The following ARHGAP32 variants were observed in gnomAD, a reference collection of about 807,000 sequenced individuals.
The protein encoded by ARHGAP32 is Rho GTPase activating protein 32.
Under a neutral mutation model 186.5 loss-of-function variants are expected in ARHGAP32, and 51 were observed. That is an observed-to-expected ratio of 0.27 (90% CI 0.22 to 0.35). The LOEUF is 0.35. ARHGAP32 is among the 10% of genes least tolerant of loss of function. ARHGAP32 has a pLI of 1.00. For synonymous variants in ARHGAP32, 950 were observed against 964.3 expected, an observed-to-expected ratio of 0.99 and a Z score of 0.27; for missense variants, 2,186 against 2,623.5, an observed-to-expected ratio of 0.83 and a Z score of 3.64.
chr11:129,219,539 T>C (rs1944687126), intron 1 of ARHGAP32, among the ~76,000 whole-genome samples: 2 of 152,038 alleles, frequency 1.3e-5, no homozygotes, highest in Non-Finnish European at 2.9e-5. Flanking sequence ...CACACAAGAG[T>C]AGAGAACTAA....
At chr11:129,019,102 A>G (rs1378486976) in intron 11 of ARHGAP32, among the ~76,000 whole-genome samples, 1 of 152,206 alleles carries the variant, frequency 6.6e-6, no homozygotes, top group Non-Finnish European at 1.5e-5. Flanking sequence ...TGGAATAAGG[A>G]CATGCTGAAG....
In ARHGAP32 at chr11:129,206,493, G is replaced by A. The variant is rs541753972; in HGVS notation, c.-4-42066C>T. 2.6e-5 allele frequency among the ~76,000 whole-genome samples: 4 copies of A among 152,242 alleles called. No individual in the cohort carries two copies. The South Asian group carries it at 8.3e-4, about 32-fold the overall frequency. ...CTCCTAATCTGCTAGGATTACAGAC[G>A]AGGGCTGCCACACCCAGCCATTGAT... On this transcript the variant is annotated intron_variant, in intron 1 of 6. Transcript: ENST00000525234.
intron 1 of ARHGAP32, among the ~76,000 whole-genome samples, chr11:129,215,901 A>G (rs1181046919): frequency 1.3e-5 from 2 of 152,206 alleles, no homozygotes; most frequent in African/African-American, 4.8e-5. Context: ...GAATTTTGAG[A>G]TGAGAAGATA....
At chr11:129,021,660 G>A (rs1171012327) in intron 11 of ARHGAP32, among the ~76,000 whole-genome samples, 1 of 151,964 alleles carries the variant, frequency 6.6e-6, no homozygotes. Flanking sequence ...GTTATTTTAG[G>A]TTGATATAAA....
chr11:128,973,102 A>C lies in ARHGAP32; in HGVS notation c.3404T>G (p.Leu1135Arg). 1 of 1,614,160 alleles carries C rather than the reference A, an allele frequency of 6.2e-7. No individual in the cohort carries two copies. The highest frequency in any genetic ancestry group is 8.5e-7 in the Non-Finnish European group (1 of 1,180,028). ...NNAPGNCDHP[L>R]PETTATGDPT... ...ATCCCCAGTAGCTGTTGTCTCTGGT[A>C]GAGGATGGTCACAGTTTCCTGGTGC... The change falls in exon 22 of 23, where the codon CTA becomes CGA. Residue 1135 changes from leucine (L) to arginine (R), a missense_variant. Physicochemically the swap from Leu to Arg is moderately radical, Grantham distance 102. Around this residue, in one of 5 missense-constraint regions of ARHGAP32, gnomAD observed 1,502 missense variants for 1,570.0 expected, o/e 0.96. Transcript: ENST00000682385.
Position 129,145,382 on chromosome 11 carries a change from G to A in ARHGAP32, c.225+18937C>T, listed in dbSNP as rs187931692. Among the ~76,000 whole-genome samples, 425 of 115,696 alleles carry A rather than the reference G, an allele frequency of 3.7e-3. 1 individual carries two copies. The highest frequency in any genetic ancestry group is 6.2e-3 in the South Asian group (23 of 3,716). 75.9% of individuals were successfully genotyped at this position (115,696 alleles called of 152,430 possible). On this transcript the variant is annotated intron_variant, in intron 2 of 22. Coordinates refer to ENST00000682385, the MANE Select transcript of ARHGAP32 (RefSeq NM_001378024.1). ...GAGTATGAATAGAAGAAGGGTAGAAGAAAAGAAAGACCACAAACTAGATGT... is the reference window on the plus strand; with the variant it reads ...GAGTATGAATAGAAGAAGGGTAGAAAAAAAGAAAGACCACAAACTAGATGT...
intron 2 of ARHGAP32, among the ~76,000 whole-genome samples, chr11:129,130,745 G>A (rs1942791063): frequency 6.6e-6 from 1 of 152,180 alleles, no homozygotes; most frequent in South Asian, 2.1e-4. Context: ...GGTGGTTAGA[G>A]TATACAACAG....
intron 6 of ARHGAP32, among the ~76,000 whole-genome samples, chr11:129,084,943 C>T (rs760038954): frequency 5.9e-5 from 9 of 152,068 alleles, no homozygotes; most frequent in Non-Finnish European, 1.0e-4. Context: ...TATAGCAAGG[C>T]TGCAGAATAT....
intron 10 of ARHGAP32, among the ~76,000 whole-genome samples, chr11:129,041,711 G>A (rs1939599899): frequency 6.6e-6 from 1 of 152,160 alleles, no homozygotes; most frequent in Non-Finnish European, 1.5e-5. Flanking sequence ...TTTTGGCATT[G>A]TAACAAGCCG....
chr11:129,055,302 G>T (rs1389743159), intron 10 of ARHGAP32, among the ~76,000 whole-genome samples: 1 of 152,144 alleles, frequency 6.6e-6, no homozygotes, highest in East Asian at 1.9e-4. Context: ...GTGAGGATGT[G>T]GAACAGCAGA....
intron 1 of ARHGAP32, among the ~76,000 whole-genome samples, chr11:129,242,369 A>G (rs562993992): frequency 6.6e-6 from 1 of 152,292 alleles, no homozygotes; most frequent in South Asian, 2.1e-4. Flanking sequence ...TATGCAATAA[A>G]ATATACTGTT....
At chr11:129,212,077 C>A (rs1944588339) in intron 1 of ARHGAP32, among the ~76,000 whole-genome samples, 1 of 152,060 alleles carries the variant, frequency 6.6e-6, no homozygotes, top group South Asian at 2.1e-4. Context: ...ATTGCTTGTG[C>A]CTGGAAGGTC....
At chr11:129,000,165 C>T (rs949237832) in intron 11 of ARHGAP32, among the ~76,000 whole-genome samples, 11 of 152,004 alleles carry the variant, frequency 7.2e-5, no homozygotes, top group East Asian at 3.9e-4. Flanking sequence ...CATTAACATT[C>T]GTCTATAATA....
chr11:129,091,624 T>C (rs1941580062), intron 6 of ARHGAP32, among the ~76,000 whole-genome samples: 1 of 152,030 alleles, frequency 6.6e-6, no homozygotes, highest in African/African-American at 2.4e-5. Context: ...AGATATAAAA[T>C]TTGTAAATAA....
At chr11:129,080,141 C>A (rs1941178911) in intron 6 of ARHGAP32, among the ~76,000 whole-genome samples, 1 of 152,038 alleles carries the variant, frequency 6.6e-6, no homozygotes, top group Non-Finnish European at 1.5e-5. Context: ...CAGATGGCAA[C>A]ACAGTAATAG....
Position 129,155,729 on chromosome 11 carries a change from A to C in ARHGAP32, c.225+8590T>G, listed in dbSNP as rs560314392. Among the ~76,000 whole-genome samples, 89 of 152,170 alleles carry C rather than the reference A, an allele frequency of 5.8e-4. 1 individual carries two copies. The highest frequency in any genetic ancestry group is 1.2e-3 in the South Asian group (6 of 4,810). On this transcript the variant is annotated intron_variant, in intron 2 of 22. Coordinates refer to ENST00000682385, the MANE Select transcript of ARHGAP32 (RefSeq NM_001378024.1). ...AAAAAAAACAAATTGGTTTAAATCT[A>C]CTGGTGAGAATAGTTGCTTAAAGAG...
intron 11 of ARHGAP32, among the ~76,000 whole-genome samples, chr11:129,036,421 G>C (rs1591552745): frequency 7.1e-6 from 1 of 141,538 alleles, no homozygotes; most frequent in Non-Finnish European, 1.5e-5. Flanking sequence ...GAAAGCACTT[G>C]ATTGATACTA....
At chr11:129,051,506 G>T (rs558165748) in intron 10 of ARHGAP32, among the ~76,000 whole-genome samples, 16 of 152,212 alleles carry the variant, frequency 1.1e-4, no homozygotes, top group African/African-American at 3.1e-4. Context: ...TTGTAAATTT[G>T]TTTAAGAGCA....
intron 1 of ARHGAP32, among the ~76,000 whole-genome samples, chr11:129,274,841 T>C (rs180728430): frequency 1.3e-5 from 2 of 151,710 alleles, no homozygotes; most frequent in African/African-American, 4.8e-5. Context: ...TTAGAGTACA[T>C]ATACATATGG....
Sources: allele counts gnomAD v4.1 joint callset (sites outside exome capture counted in the v4.1 genomes callset), GRCh38; gene constraint gnomAD v4.1.1; regional missense constraint gnomAD v4.1.1; transcripts MANE v1.5; gene names NCBI Gene and HGNC (gene_info 2026-07-23, HGNC 2026-07-21).